Variants in METTL15 observed in about 807,000 individuals in gnomAD.
The protein encoded by METTL15 is methyltransferase 15, mitochondrial 12S rRNA N4-cytidine.
Under a neutral mutation model 38.3 loss-of-function variants are expected in METTL15, and 34 were observed. That is an observed-to-expected ratio of 0.89 (90% confidence interval 0.68 to 1.18). The LOEUF is 1.18. Among genes scored for constraint, METTL15 ranks in the 50% most tolerant of loss-of-function variants. METTL15 has a pLI of 0.00. For missense variants in METTL15, 438 were observed against 498.4 expected (o/e 0.88, Z 1.15); for synonymous variants, 162 against 170.9 (o/e 0.95, Z 0.41).
intron 6 of METTL15, among the ~76,000 whole-genome samples, chr11:28,484,482 G>A (rs976459342): frequency 1.3e-5 from 2 of 152,088 alleles, no homozygotes; most frequent in Non-Finnish European, 2.9e-5. Context: ...GACTGCCTAT[G>A]GTATGCTGTT....
At chr11:28,459,904 G>C (rs1271577436) in intron 6 of METTL15, among the ~76,000 whole-genome samples, 7 of 152,006 alleles carry the variant, frequency 4.6e-5, no homozygotes, top group Non-Finnish European at 1.0e-4. Context: ...TGTGGCTTCT[G>C]TTGGTGTTAA....
At chr11:28,504,188 ACT>A (rs1366610551) in intron 6 of METTL15, among the ~76,000 whole-genome samples, 1 of 131,744 alleles carries the variant, frequency 7.6e-6, no homozygotes, top group Non-Finnish European at 1.6e-5. Flanking sequence ...CAAGAGTGAA[ACT>A]CTGTCTCAAA....
intron 6 of METTL15, chr11:28,327,950 A>T: frequency 2.7e-6 from 2 of 733,038 alleles, no homozygotes; most frequent in Non-Finnish European, 4.2e-6. Context: ...CCATCATTTT[A>T]ATTTCTGCAA....
intron 5 of METTL15, among the ~76,000 whole-genome samples, chr11:28,372,245 G>T (rs1282953883): frequency 6.6e-6 from 1 of 151,848 alleles, no homozygotes; most frequent in Admixed American, 6.6e-5. Context: ...TATGGTTTTT[G>T]TTCCTGGTTA....
chr11:28,198,891 T>A (rs775589189), intron 3 of METTL15, among the ~76,000 whole-genome samples: 1 of 151,964 alleles, frequency 6.6e-6, no homozygotes, highest in Non-Finnish European at 1.5e-5. Context: ...GTCAGTAATA[T>A]AGTCTTGAGT....
At chr11:28,322,547 A>G (rs951012782) in intron 6 of METTL15, among the ~76,000 whole-genome samples, 2 of 152,152 alleles carry the variant, frequency 1.3e-5, no homozygotes, top group Non-Finnish European at 2.9e-5. Context: ...ATGGACTCTC[A>G]TATACTATTG....
chr11:28,246,300 G>T (rs1438989160), intron 4 of METTL15, among the ~76,000 whole-genome samples: 1 of 152,078 alleles, frequency 6.6e-6, no homozygotes, highest in Non-Finnish European at 1.5e-5. Flanking sequence ...TTGAAAATAT[G>T]TGTATTATGT....
At chr11:28,391,085 C>G (rs1357516608) in intron 5 of METTL15, among the ~76,000 whole-genome samples, 1 of 152,022 alleles carries the variant, frequency 6.6e-6, no homozygotes, top group Non-Finnish European at 1.5e-5. Flanking sequence ...ATTTTGTATC[C>G]TGAGACTTTG....
intron 3 of METTL15, among the ~76,000 whole-genome samples, chr11:28,182,617 A>G (rs147074694): frequency 0.021 from 3,152 of 151,880 alleles, 130 homozygotes; most frequent in African/African-American, 0.072. Flanking sequence ...TGGTCTATAT[A>G]TCTGTTTTGG....
intron 3 of METTL15, among the ~76,000 whole-genome samples, chr11:28,183,575 T>G (rs118062086): frequency 6.6e-6 from 1 of 152,116 alleles, no homozygotes; most frequent in Non-Finnish European, 1.5e-5. Flanking sequence ...ATTTTACATA[T>G]GTTGAACTAG....
chr11:28,381,727 C>T (rs1850388045), intron 5 of METTL15, among the ~76,000 whole-genome samples: 1 of 152,032 alleles, frequency 6.6e-6, no homozygotes. Flanking sequence ...GTTTTAATCT[C>T]TTTGTTAAAA....
At chr11:28,244,351 A>G (rs1854426119) in intron 4 of METTL15, among the ~76,000 whole-genome samples, 1 of 152,212 alleles carries the variant, frequency 6.6e-6, no homozygotes, top group Non-Finnish European at 1.5e-5. Flanking sequence ...TTGAATTTTA[A>G]CATGATATTA....
chr11:28,213,953 C>T (rs1261437745), intron 4 of METTL15, among the ~76,000 whole-genome samples: 1 of 151,864 alleles, frequency 6.6e-6, no homozygotes, highest in Non-Finnish European at 1.5e-5. Context: ...CCACGCCCGG[C>T]CAAAGCAATG....
At chr11:28,505,274 C>T (rs1851619215) in intron 6 of METTL15, among the ~76,000 whole-genome samples, 1 of 152,088 alleles carries the variant, frequency 6.6e-6, no homozygotes, top group Admixed American at 6.5e-5. Flanking sequence ...GGTTTGCCAC[C>T]TCCAAAATAC....
At chr11:28,468,313 C>G (rs193130346) in intron 6 of METTL15, among the ~76,000 whole-genome samples, 2 of 152,200 alleles carry the variant, frequency 1.3e-5, no homozygotes, top group East Asian at 3.9e-4. Flanking sequence ...TTGAGGGTAA[C>G]TCCCAGGAAA....
intron 5 of METTL15, among the ~76,000 whole-genome samples, chr11:28,415,138 A>G (rs1850761989): frequency 6.6e-6 from 1 of 152,232 alleles, no homozygotes; most frequent in Non-Finnish European, 1.5e-5. Flanking sequence ...TGACATAATA[A>G]TGCTTGACAA....
chr11:28,182,844 G>T (rs1395479624), intron 3 of METTL15, among the ~76,000 whole-genome samples: 1 of 152,020 alleles, frequency 6.6e-6, no homozygotes, highest in African/African-American at 2.4e-5. Flanking sequence ...AATTACTTTG[G>T]GGAGTATGGC....
At position 28,493,724 on chromosome 11, in the gene METTL15, T is replaced by G. The variant is rs930580549; in HGVS notation, c.*425-32754T>G. ...AAGGTCAGAATCTGAATGTATGGGTTTAGTTTGCATGGTTGATATTACTCC... is the reference window on the plus strand; with the variant it reads ...AAGGTCAGAATCTGAATGTATGGGTGTAGTTTGCATGGTTGATATTACTCC... On this transcript the variant is annotated intron_variant and NMD_transcript_variant, in intron 6 of 7. Transcript: ENST00000532947. Among the ~76,000 whole-genome samples, 15 of 152,220 alleles carry G rather than the reference T, an allele frequency of 9.9e-5. No individual in the cohort carries two copies. In the East Asian group the frequency reaches 2.9e-3, roughly 29 times the overall value.
chr11:28,190,790 CAAATT>C (rs1851673007), intron 3 of METTL15, among the ~76,000 whole-genome samples: 1 of 151,096 alleles, frequency 6.6e-6, no homozygotes, highest in Non-Finnish European at 1.5e-5. Flanking sequence ...TAAATTAATA[CAAATT>C]AAAATGTTAG....
Sources: gnomAD v4.1 joint callset for allele counts (sites outside exome capture counted in the v4.1 genomes callset) on GRCh38, gnomAD v4.1.1 for gene constraint, MANE v1.5 for transcripts, NCBI Gene and HGNC (gene_info 2026-07-23, HGNC 2026-07-21) for gene names.